TSPAN12: variants seen among roughly 807,000 people sequenced by gnomAD.
TSPAN12 encodes tetraspanin 12, also known as tetraspanin-12.
In TSPAN12, 19 loss-of-function variants were observed where a neutral mutation model predicts 39.2. That is an observed-to-expected ratio of 0.49 (90% CI 0.34 to 0.71). The LOEUF (loss-of-function observed/expected upper bound fraction) is 0.71. Ranked by LOEUF, TSPAN12 falls within the 30% of genes least tolerant of loss-of-function variation. The probability of loss-of-function intolerance (pLI) is 0.01; values close to 1 mark genes in which losing one functional copy is unlikely to be tolerated. For synonymous variants in TSPAN12, 119 were observed against 124.8 expected (o/e 0.95, Z 0.31); for missense variants, 314 against 359.9 (o/e 0.87, Z 1.03).
chr7:120,797,444 G>C (rs374341199), intron 7 of TSPAN12, among the ~76,000 whole-genome samples: 3 of 152,338 alleles, frequency 2.0e-5, no homozygotes, highest in East Asian at 3.9e-4. Flanking sequence ...CTAGGTCATT[G>C]GTCTATGAAA....
At chr7:120,840,358 G>GACAGAAACTGC (rs1191502318) in intron 2 of TSPAN12, among the ~76,000 whole-genome samples, 3 of 152,152 alleles carry the variant, frequency 2.0e-5, no homozygotes, top group Non-Finnish European at 4.4e-5. Context: ...CCAGGTTCAG[G>GACAGAAACTGC]ACAGAAACTG....
intron 7 of TSPAN12, among the ~76,000 whole-genome samples, chr7:120,791,328 C>CA (rs535746545): frequency 0.056 from 7,081 of 127,416 alleles, 221 homozygotes; most frequent in African/African-American, 0.1. Flanking sequence ...GACCTTGTCT[C>CA]AAAAAAAAAA....
intron 4 of TSPAN12, among the ~76,000 whole-genome samples, chr7:120,824,752 T>A (rs1331178602): frequency 6.6e-6 from 1 of 152,184 alleles, no homozygotes; most frequent in Non-Finnish European, 1.5e-5. Flanking sequence ...AAACTTGACT[T>A]TTTAAAATTT....
intron 2 of TSPAN12, among the ~76,000 whole-genome samples, chr7:120,841,113 T>C (rs1409501604): frequency 6.6e-6 from 1 of 152,132 alleles, no homozygotes; most frequent in African/African-American, 2.4e-5. Context: ...GAAGTCAGAA[T>C]AGAGAAAGTA....
At chr7:120,791,971 A>T (rs950649004) in intron 7 of TSPAN12, among the ~76,000 whole-genome samples, 1 of 152,198 alleles carries the variant, frequency 6.6e-6, no homozygotes. Flanking sequence ...ATAATCAATG[A>T]AAACACTGGT....
At chr7:120,816,952 G>C (rs548852791) in intron 4 of TSPAN12, among the ~76,000 whole-genome samples, 30 of 152,272 alleles carry the variant, frequency 2.0e-4, no homozygotes, top group African/African-American at 7.2e-4. Flanking sequence ...TAGACTCATT[G>C]AATTTAGAAT....
rs775221651 is a variant in TSPAN12 at position 120,788,705 on chromosome 7, G to T, written c.805C>A (p.Gln269Lys). The T allele has an allele frequency of 1.2e-6, 2 of 1,614,034 alleles. No homozygotes were observed. Among genetic ancestry groups the T allele is most frequent in the Non-Finnish European group, 8.5e-7 (1 of 1,180,026 alleles). Residue 269 changes from glutamine to lysine, a missense_variant, in exon 8 of 8, where the codon CAG (glutamine) becomes AAG (lysine). Physicochemically the swap from Gln to Lys is moderately conservative, Grantham distance 53. Transcript: ENST00000222747. ...TCTACTGAGGGACATGACAGGTGCTGAGAGTTGTCATTCTTCAAGGACATC... is the reference window on the plus strand; with the variant it reads ...TCTACTGAGGGACATGACAGGTGCTTAGAGTTGTCATTCTTCAAGGACATC... ...QMMSLKNDNS[Q>K]HLSCPSVELL...
intron 2 of TSPAN12, among the ~76,000 whole-genome samples, chr7:120,842,832 T>C (rs758303813): frequency 3.3e-5 from 5 of 151,902 alleles, no homozygotes; most frequent in Non-Finnish European, 5.9e-5. Context: ...TGGATTAAAA[T>C]ACAGATTAAT....
At chr7:120,803,617 C>G (rs1297991535) in intron 7 of TSPAN12, among the ~76,000 whole-genome samples, 2 of 152,110 alleles carry the variant, frequency 1.3e-5, no homozygotes, top group African/African-American at 4.8e-5. Flanking sequence ...AATGCAAAAG[C>G]AGGTTACTCT....
chr7:120,809,652 G>A (rs1793939675), intron 6 of TSPAN12, among the ~76,000 whole-genome samples: 1 of 152,124 alleles, frequency 6.6e-6, no homozygotes, highest in Admixed American at 6.6e-5. Context: ...TTATCCATCT[G>A]GGAATGTCAC....
At chr7:120,816,059 G>A (rs1794075958) in intron 4 of TSPAN12, among the ~76,000 whole-genome samples, 1 of 152,008 alleles carries the variant, frequency 6.6e-6, no homozygotes, top group South Asian at 2.1e-4. Context: ...AGTTTCATTA[G>A]GATAAATAAG....
chr7:120,796,502 C>G (rs1793633084), intron 7 of TSPAN12, among the ~76,000 whole-genome samples: 1 of 152,170 alleles, frequency 6.6e-6, no homozygotes, highest in Non-Finnish European at 1.5e-5. Context: ...GGTATACTAA[C>G]AGTTTCTCAT....
chr7:120,848,209 C>T (rs777797343), intron 2 of TSPAN12, among the ~76,000 whole-genome samples: 4 of 152,132 alleles, frequency 2.6e-5, no homozygotes, highest in Non-Finnish European at 5.9e-5. Flanking sequence ...TCCCAACTCC[C>T]GCCTTACCTA....
intron 5 of TSPAN12, among the ~76,000 whole-genome samples, chr7:120,813,222 T>C (rs765160797): frequency 1.3e-5 from 2 of 152,262 alleles, no homozygotes; most frequent in Non-Finnish European, 2.9e-5. Flanking sequence ...ACACTGCTAT[T>C]AGTGCAAAAG....
chr7:120,815,273 A>G (rs1297064766), intron 5 of TSPAN12, among the ~76,000 whole-genome samples: 1 of 152,206 alleles, frequency 6.6e-6, no homozygotes, highest in African/African-American at 2.4e-5. Context: ...TCAAATTAAT[A>G]ATCATGTACC....
intron 4 of TSPAN12, among the ~76,000 whole-genome samples, chr7:120,819,212 T>C (rs1794141424): frequency 6.6e-6 from 1 of 152,120 alleles, no homozygotes; most frequent in South Asian, 2.1e-4. Context: ...TGGACATGGA[T>C]GATGATTATA....
In TSPAN12 at chr7:120,834,132, G is replaced by A. The variant is rs150137671; in HGVS notation, c.285+4645C>T. On this transcript the variant is annotated intron_variant, in intron 4 of 7. Coordinates refer to ENST00000222747, the MANE Select transcript of TSPAN12 (RefSeq NM_012338.4). The stretch of plus-strand genomic sequence containing the variant: ...CACACTTGCTAAGAACAAATCTAAT[G>A]AGTACGTTTGCCAGATAAAGCAAAT... Among the ~76,000 whole-genome samples the A allele has an allele frequency of 3.1e-3, 474 of 152,134 alleles. 3 individuals carry two copies. The highest frequency in any genetic ancestry group is 0.011 in the African/African-American group (448 of 41,512).
At chr7:120,825,969 A>T (rs1794278586) in intron 4 of TSPAN12, among the ~76,000 whole-genome samples, 1 of 152,192 alleles carries the variant, frequency 6.6e-6, no homozygotes. Flanking sequence ...AGAACTATAG[A>T]CCAATGGTTA....
chr7:120,804,087 C>T (rs979124818), intron 7 of TSPAN12, among the ~76,000 whole-genome samples: 2 of 151,978 alleles, frequency 1.3e-5, no homozygotes, highest in Non-Finnish European at 2.9e-5. Context: ...ACAAATTATA[C>T]CATAATGTTG....
Sources: allele counts gnomAD v4.1 joint callset (sites outside exome capture counted in the v4.1 genomes callset), GRCh38; gene constraint gnomAD v4.1.1; transcripts MANE v1.5; gene names NCBI Gene and HGNC (gene_info 2026-07-23, HGNC 2026-07-21).